The following OSBPL10 variants were observed in gnomAD, a reference collection of about 807,000 sequenced individuals.
OSBPL10 encodes oxysterol binding protein like 10.
In OSBPL10, 49 loss-of-function variants were observed where a neutral mutation model predicts 81.7. That is an observed-to-expected ratio of 0.60 (90% CI 0.48 to 0.76). The LOEUF (loss-of-function observed/expected upper bound fraction) is 0.76, where lower values mean the gene tolerates loss of function less well. Among genes scored for constraint, OSBPL10 ranks in the 30% least tolerant of loss-of-function variants. The pLI is 0.00. For synonymous variants in OSBPL10, 419 were observed against 383.6 expected, an observed-to-expected ratio of 1.09 and a Z score of -1.08; for missense variants, 923 against 987.8, an observed-to-expected ratio of 0.93 and a Z score of 0.88.
At chr3:31,928,363 A>G (rs1209103728) in intron 1 of OSBPL10, among the ~76,000 whole-genome samples, 1 of 152,208 alleles carries the variant, frequency 6.6e-6, no homozygotes, top group Non-Finnish European at 1.5e-5. Context: ...GGTGACTTTT[A>G]AAAGTTTATC....
chr3:31,967,155 G>GA (rs376018566), intron 1 of OSBPL10, among the ~76,000 whole-genome samples: 17 of 148,540 alleles, frequency 1.1e-4, no homozygotes, highest in South Asian at 2.1e-4. Flanking sequence ...CCAAGGTCAG[G>GA]AAAAAAAAAA....
intron 7 of OSBPL10, 63 bp from the exon 8 acceptor site, chr3:31,684,177 A>C (rs548810833): frequency 6.4e-7 from 1 of 1,574,714 alleles, no homozygotes. Context: ...CTGAAAAGAA[A>C]GGTAAAGGCT....
intron 4 of OSBPL10, among the ~76,000 whole-genome samples, chr3:31,800,107 G>A (rs954150065): frequency 1.8e-4 from 28 of 152,194 alleles, no homozygotes; most frequent in African/African-American, 6.5e-4. Flanking sequence ...GCAGAAAATG[G>A]TCTTAGCAAT....
intron 4 of OSBPL10, among the ~76,000 whole-genome samples, chr3:31,760,058 G>A (rs894617036): frequency 3.3e-5 from 5 of 152,112 alleles, no homozygotes; most frequent in African/African-American, 1.2e-4. Context: ...CACCATGCCC[G>A]GCCAAGAGAT....
intron 1 of OSBPL10, among the ~76,000 whole-genome samples, chr3:32,072,735 G>A (rs145781180): frequency 0.011 from 1,636 of 152,226 alleles, 40 homozygotes; most frequent in African/African-American, 0.037. Flanking sequence ...GTGGCAAATT[G>A]ACTTTACTCA....
intron 5 of OSBPL10, among the ~76,000 whole-genome samples, chr3:31,739,807 C>T (rs1049060968): frequency 6.6e-6 from 1 of 152,216 alleles, no homozygotes; most frequent in African/African-American, 2.4e-5. Flanking sequence ...ACTGTAGCAG[C>T]CCATGCTAAG....
chr3:32,046,840 G>C (rs1699626562), intron 1 of OSBPL10, among the ~76,000 whole-genome samples: 1 of 152,160 alleles, frequency 6.6e-6, no homozygotes, highest in African/African-American at 2.4e-5. Flanking sequence ...GGCACAGAGA[G>C]TTAAATTAAA....
rs572982425 is a variant in OSBPL10 at position 31,889,786 on chromosome 3, T to A, written c.282-9956A>T. On this transcript the variant is annotated intron_variant, in intron 1 of 11. Coordinates refer to ENST00000396556, the MANE Select transcript of OSBPL10 (RefSeq NM_017784.5). ...TGAATAATATATAGCTTCAAATAGC[T>A]CGGAGGAGGATATTGCATGTTCCCA... Among the ~76,000 whole-genome samples, 4 of 152,182 alleles carry A rather than the reference T, an allele frequency of 2.6e-5. No individual in the cohort carries two copies. The East Asian group carries it at 7.7e-4, about 29-fold the overall frequency.
intron 1 of OSBPL10, among the ~76,000 whole-genome samples, chr3:31,917,735 C>T (rs1015687327): frequency 1.3e-5 from 2 of 149,602 alleles, no homozygotes; most frequent in African/African-American, 2.5e-5. Context: ...ACTGGACTAA[C>T]GCACTCTTTT....
chr3:31,879,472 T>C, intron 2 of OSBPL10, 183 bp downstream of exon 2: 2 of 600,886 alleles, frequency 3.3e-6, no homozygotes, highest in South Asian at 4.8e-5. Context: ...GGACAAGTAA[T>C]TCCTAATGTC....
chr3:31,687,275 C>T (rs531696616), intron 7 of OSBPL10, among the ~76,000 whole-genome samples: 18 of 152,210 alleles, frequency 1.2e-4, no homozygotes, highest in African/African-American at 3.4e-4. Context: ...TTTCCCCACT[C>T]TATGGCAATG....
chr3:31,898,006 CAAAAAAAAAAAAAAAAAAAAAA>C (rs58479197), intron 1 of OSBPL10, among the ~76,000 whole-genome samples: 1 of 62,454 alleles, frequency 1.6e-5, no homozygotes, highest in Non-Finnish European at 3.2e-5. Flanking sequence ...AGAACTCTGT[CAAAAAAAAAAAAAAAAAAAAAA>C]AAAAAAAAAC....
At chr3:31,800,643 C>T (rs1699355831) in intron 4 of OSBPL10, among the ~76,000 whole-genome samples, 1 of 152,106 alleles carries the variant, frequency 6.6e-6, no homozygotes, top group African/African-American at 2.4e-5. Context: ...TGAAACTACC[C>T]AAGGCTACAG....
At chr3:31,849,718 T>C (rs1008198885) in intron 3 of OSBPL10, among the ~76,000 whole-genome samples, 2 of 152,166 alleles carry the variant, frequency 1.3e-5, no homozygotes, top group African/African-American at 4.8e-5. Context: ...TATACATACA[T>C]ATACACAAAC....
chr3:31,900,438 A>G (rs779308842), intron 1 of OSBPL10, among the ~76,000 whole-genome samples: 12 of 152,060 alleles, frequency 7.9e-5, no homozygotes, highest in Non-Finnish European at 1.5e-4. Context: ...TGTGCCCACT[A>G]TGACTAATTT....
Position 31,723,572 on chromosome 3 carries a change from C to CACACACACACACACA in OSBPL10, c.1095+9684_1095+9685insTGTGTGTGTGTGTGT, listed in dbSNP as rs753039730. Among the ~76,000 whole-genome samples the CACACACACACACACA allele has an allele frequency of 9.3e-3, 1,364 of 146,692 alleles. 12 individuals carry two copies. Among genetic ancestry groups the CACACACACACACACA allele is most frequent in the South Asian group, 0.014 (68 of 4,708 alleles). ...CACACACACACACACACACACACAC[C>CACACACACACACACA]CCTTTCCCTCTAGTTGCTCACATCC... On this transcript the variant is annotated intron_variant, in intron 6 of 11. Coordinates refer to ENST00000396556, the MANE Select transcript of OSBPL10 (RefSeq NM_017784.5).
chr3:31,703,374 C>G (rs1695959483), intron 6 of OSBPL10, among the ~76,000 whole-genome samples: 1 of 152,220 alleles, frequency 6.6e-6, no homozygotes, highest in African/African-American at 2.4e-5. Flanking sequence ...AGCAAAAGCA[C>G]TCTGCACAGA....
intron 1 of OSBPL10, among the ~76,000 whole-genome samples, chr3:31,965,807 TATATA>T (rs1698364564): frequency 1.6e-5 from 1 of 62,374 alleles, no homozygotes; most frequent in Admixed American, 2.9e-4. Flanking sequence ...ATTATCTATT[TATATA>T]ATATATATTA....
chr3:31,889,537 A>G (rs901863513), intron 1 of OSBPL10, among the ~76,000 whole-genome samples: 3 of 152,190 alleles, frequency 2.0e-5, no homozygotes, highest in African/African-American at 7.2e-5. Context: ...GTTAAGTGAA[A>G]TAAGCAAGGA....
Sources: allele counts gnomAD v4.1 joint callset (sites outside exome capture counted in the v4.1 genomes callset), GRCh38; gene constraint gnomAD v4.1.1; transcripts MANE v1.5; gene names NCBI Gene and HGNC (gene_info 2026-07-23, HGNC 2026-07-21).